The following MARK2 variants were observed in gnomAD, a reference collection of about 807,000 sequenced individuals.
MARK2 encodes microtubule affinity regulating kinase 2.
MARK2 carries 16 observed loss-of-function variants against 89.8 expected under a neutral mutation model. The observed-to-expected ratio is 0.18, with a 90% CI of 0.12 to 0.27. The LOEUF (loss-of-function observed/expected upper bound fraction) is 0.27, where lower values mean the gene tolerates loss of function less well. Ranked by LOEUF, MARK2 falls within the 10% of genes least tolerant of loss-of-function variation. MARK2 has a pLI of 1.00. For missense variants in MARK2, 621 were observed against 1,049.9 expected (o/e 0.59, Z 5.65); for synonymous variants, 382 against 399.5 (o/e 0.96, Z 0.52).
At chr11:63,848,461 C>G (rs1371934974) in intron 1 of MARK2, among the ~76,000 whole-genome samples, 3 of 152,132 alleles carry the variant, frequency 2.0e-5, no homozygotes, top group Non-Finnish European at 4.4e-5. Flanking sequence ...TCTCAGCTCA[C>G]TGCAACCTCC....
chr11:63,894,040 A>T (rs4980530), intron 1 of MARK2, among the ~76,000 whole-genome samples: 1 of 152,084 alleles, frequency 6.6e-6, no homozygotes, highest in Admixed American at 6.5e-5. Flanking sequence ...CAGTGCTGGT[A>T]GTTGTAGCTT....
In MARK2 at chr11:63,900,440, T is replaced by C. The variant is rs573373807; in HGVS notation, c.769-119T>C. 3 of 1,232,604 alleles carry C rather than the reference T, an allele frequency of 2.4e-6. No individual in the cohort carries two copies. The highest frequency in any genetic ancestry group is 3.4e-6 in the Non-Finnish European group (3 of 872,136). The allele number at this position is 1,232,604 out of a possible 1,614,324, so 76.4% of individuals were successfully genotyped here. On this transcript the variant is annotated intron_variant, in intron 8 of 18. Coordinates refer to ENST00000402010, the MANE Select transcript of MARK2 (RefSeq NM_001039469.3). The surrounding 1 kb of genome is among the most constrained non-coding windows in gnomAD (Gnocchi z 4.7). ...TGTCTTGTCCCCAGGCTGTCTGCCT[T>C]CTTCCATATTTCATTTATGTCTGCT... is the stretch of plus-strand genomic sequence containing the variant.
intron 1 of MARK2, among the ~76,000 whole-genome samples, chr11:63,884,973 G>C (rs999066653): frequency 6.6e-6 from 1 of 152,216 alleles, no homozygotes. Context: ...AGGCCGAGGT[G>C]AGAGGATTGC....
intron 1 of MARK2, among the ~76,000 whole-genome samples, chr11:63,887,136 C>G (rs1031993500): frequency 6.6e-6 from 1 of 152,204 alleles, no homozygotes; most frequent in Admixed American, 6.5e-5. Flanking sequence ...TTCCCTGAGT[C>G]TTCATACCTT....
At chr11:63,880,400 T>C (rs1362766088) in intron 1 of MARK2, among the ~76,000 whole-genome samples, 1 of 152,110 alleles carries the variant, frequency 6.6e-6, no homozygotes, top group Non-Finnish European at 1.5e-5. Context: ...AACCGGGCCT[T>C]AGAGTCAGTA....
chr11:63,856,908 C>T (rs967649552), intron 1 of MARK2, among the ~76,000 whole-genome samples: 5 of 150,632 alleles, frequency 3.3e-5, no homozygotes, highest in East Asian at 2.0e-4. Context: ...CCCGGGTTCA[C>T]GCCATTCTCC....
intron 3 of MARK2, among the ~76,000 whole-genome samples, chr11:63,897,376 C>T (rs760252578): frequency 1.1e-4 from 17 of 152,204 alleles, no homozygotes; most frequent in Non-Finnish European, 1.8e-4. Context: ...AAGCCTTTTT[C>T]TTCTTTTCCT....
Position 63,839,522 on chromosome 11 carries a change from A to AC in MARK2, c.22dup (p.Leu8ProfsTer18), listed in dbSNP as rs1205211678. On this transcript the variant is annotated frameshift_variant, in exon 1 of 19. Coordinates refer to ENST00000402010, the MANE Select transcript of MARK2 (RefSeq NM_001039469.3). LOFTEE classifies it high-confidence loss of function. The stretch of plus-strand genomic sequence containing the variant: ...TACCGGCGCCATGTCCAGCGCTCGG[A>AC]CCCCCCTACCCACGCTGAACGAGAG... The AC allele has an allele frequency of 2.6e-6, 4 of 1,523,308 alleles. No homozygotes were observed. Among genetic ancestry groups the AC allele is most frequent in the African/African-American group, 1.4e-5 (1 of 69,234 alleles). The allele number at this position is 1,523,308 out of a possible 1,614,324, so 94.4% of individuals were successfully genotyped here. A position where few individuals can be genotyped will look rare whatever the true frequency, so the allele number is the denominator to read the frequency against.
intron 17 of MARK2, among the ~76,000 whole-genome samples, chr11:63,907,650 T>G (rs531038582): frequency 2.1e-5 from 3 of 142,920 alleles, no homozygotes; most frequent in East Asian, 2.1e-4. Flanking sequence ...GGTAGGGGAG[T>G]TGGGAAAGGT....
rs1291431087 is a variant in MARK2, at chr11:63,904,506, C to T, written c.1677-280C>T. On this transcript the variant is annotated intron_variant, in intron 15 of 18. Transcript: ENST00000402010. The surrounding 1 kb of genome is among the most constrained non-coding windows in gnomAD (Gnocchi z 6.3). ...TGCCGCCTTGAGGGTCCAGTCTGCC[C>T]GGCTCCCAGGGAGCCCGCTGTCTCC... Among the ~76,000 whole-genome samples the T allele has an allele frequency of 1.3e-5, 2 of 152,192 alleles. No individual in the cohort carries two copies. Among genetic ancestry groups the T allele is most frequent in the African/African-American group, 4.8e-5 (2 of 41,504 alleles).
Position 63,901,024 on chromosome 11 carries a change from C to T in MARK2, c.1056C>T (p.Asn352=), listed in dbSNP as rs1235414267. The change falls in exon 11 of 19, where the codon AAC becomes AAT. Residue 352 remains asparagine, a synonymous_variant. Transcript: ENST00000402010. The part of the protein sequence containing the change: ...IQDSLVGQRY[N]EVMATYLLLG... ...ACTCGCTGGTGGGCCAGAGATACAACGAGGTGATGGCCACCTATCTGCTCC... is the reference window on the plus strand; with the variant it reads ...ACTCGCTGGTGGGCCAGAGATACAATGAGGTGATGGCCACCTATCTGCTCC... 1.9e-6 allele frequency: 3 copies of T among 1,613,982 alleles called. No homozygotes were observed. The highest frequency in any genetic ancestry group is 2.5e-6 in the Non-Finnish European group (3 of 1,179,966).
chr11:63,846,659 T>C (rs1310031983), intron 1 of MARK2, among the ~76,000 whole-genome samples: 9 of 135,978 alleles, frequency 6.6e-5, no homozygotes, highest in Non-Finnish European at 9.5e-5. Flanking sequence ...CAAAAAAAAT[T>C]TTTTTTTTTT....
rs115455218 is a variant in MARK2, at chr11:63,839,800, G to A, written c.54+240G>A. 1.0e-2 allele frequency among the ~76,000 whole-genome samples: 1,510 copies of A among 151,066 alleles called. 26 individuals are homozygous for A. The highest frequency in any genetic ancestry group is 0.035 in the African/African-American group (1,427 of 41,104). ...CTGCCAACCCCCGTCTCCCCTCACC[G>A]CCCTCCTGCGCTCTTCCGTGTCACC... On this transcript the variant is annotated intron_variant, in intron 1 of 18. Transcript: ENST00000402010.
Position 63,899,038 on chromosome 11 carries a change from T to C in MARK2, c.475-14T>C, listed in dbSNP as rs760379450. 24 of 1,604,526 alleles carry C rather than the reference T, an allele frequency of 1.5e-5. No homozygotes were observed. The highest frequency in any genetic ancestry group is 1.8e-5 in the Non-Finnish European group (21 of 1,171,624). On this transcript the variant is annotated splice_polypyrimidine_tract_variant and intron_variant, in intron 6 of 18. Coordinates refer to ENST00000402010, the MANE Select transcript of MARK2 (RefSeq NM_001039469.3). The stretch of plus-strand genomic sequence containing the variant: ...TCAGGCACCCCTGGGTTAACCCTTC[T>C]TCCTTCCTTTCAGATAGTGTCTGCT...
At chr11:63,901,888 T>C (rs190824450) in intron 11 of MARK2, among the ~76,000 whole-genome samples, 55 of 152,222 alleles carry the variant, frequency 3.6e-4, no homozygotes, top group Middle Eastern at 3.4e-3. Flanking sequence ...ACACTTGGTA[T>C]AGGCCCATAT....
chr11:63,849,489 A>G (rs1219744833), intron 1 of MARK2, among the ~76,000 whole-genome samples: 1 of 152,204 alleles, frequency 6.6e-6, no homozygotes, highest in Non-Finnish European at 1.5e-5. Context: ...GCGGTGGCTC[A>G]TGCCTGTAAT....
In MARK2 at chr11:63,845,948, C is replaced by T. The variant is rs182518531; in HGVS notation, c.54+6388C>T. Among the ~76,000 whole-genome samples the T allele has an allele frequency of 5.9e-5, 9 of 152,014 alleles. No individual in the cohort carries two copies. The East Asian group carries it at 1.8e-3, about 30-fold the overall frequency. Reference sequence around the variant, plus strand: ...ATGTTGGCCAGGCTGGTCTTGAACTCCTGGACTCAAGTGATCCGCCTGCCG... The same window carrying T: ...ATGTTGGCCAGGCTGGTCTTGAACTTCTGGACTCAAGTGATCCGCCTGCCG... On this transcript the variant is annotated intron_variant, in intron 1 of 18. Transcript: ENST00000402010.
chr11:63,854,701 G>C (rs192217267), intron 1 of MARK2, among the ~76,000 whole-genome samples: 2 of 151,778 alleles, frequency 1.3e-5, no homozygotes, highest in Non-Finnish European at 2.9e-5. Flanking sequence ...TGGGCATGGT[G>C]GTGGGTGCCT....
intron 1 of MARK2, among the ~76,000 whole-genome samples, chr11:63,891,053 G>A (rs1462733123): frequency 6.6e-6 from 1 of 151,628 alleles, no homozygotes; most frequent in Non-Finnish European, 1.5e-5. Context: ...TTTTATTTTG[G>A]GGCTTTTTGT....
Sources: allele counts gnomAD v4.1 joint callset (sites outside exome capture counted in the v4.1 genomes callset), GRCh38; gene constraint gnomAD v4.1.1; non-coding constraint Gnocchi (gnomAD v3.1); transcripts MANE v1.5; gene names NCBI Gene and HGNC (gene_info 2026-07-23, HGNC 2026-07-21).